RGS7: variants seen among roughly 807,000 people sequenced by gnomAD.
The protein encoded by RGS7 is regulator of G protein signaling 7.
In RGS7, 27 loss-of-function variants were observed where a neutral mutation model predicts 81.1. That is an observed-to-expected ratio of 0.33 (90% CI 0.25 to 0.46). The LOEUF is 0.46. Ranked by LOEUF, RGS7 falls within the 20% of genes least tolerant of loss-of-function variation. RGS7 has a pLI of 1.00. For synonymous variants in RGS7, 208 were observed against 207.7 expected (o/e 1.00, Z -0.01); for missense variants, 396 against 607.4 (o/e 0.65, Z 3.66).
At chr1:241,213,587 T>C (rs562743273) in intron 2 of RGS7, among the ~76,000 whole-genome samples, 12 of 152,122 alleles carry the variant, frequency 7.9e-5, no homozygotes, top group Non-Finnish European at 1.8e-4. Flanking sequence ...TCAGTTTACT[T>C]TGAATTAACA....
intron 3 of RGS7, among the ~76,000 whole-genome samples, chr1:241,096,993 T>C (rs1173734666): frequency 6.6e-6 from 1 of 152,108 alleles, no homozygotes; most frequent in Non-Finnish European, 1.5e-5. Context: ...AACATTTTTA[T>C]ATGCGTGTTT....
At chr1:240,856,950 T>C (rs1661245041) in intron 9 of RGS7, among the ~76,000 whole-genome samples, 2 of 152,146 alleles carry the variant, frequency 1.3e-5, no homozygotes, top group South Asian at 4.1e-4. Flanking sequence ...CCAAGCACAC[T>C]GAGTAAAGTA....
At chr1:240,872,806 C>T (rs533071200) in intron 6 of RGS7, among the ~76,000 whole-genome samples, 89 of 152,262 alleles carry the variant, frequency 5.8e-4, no homozygotes, top group African/African-American at 1.7e-3. Flanking sequence ...AGGCTGGGCA[C>T]ATTGGCTCAT....
At position 240,866,725 on chromosome 1, in the gene RGS7, G is replaced by A. The variant is rs576127136; in HGVS notation, c.609+1862C>T. On this transcript the variant is annotated intron_variant, in intron 9 of 18. Transcript: ENST00000440928. The stretch of plus-strand genomic sequence containing the variant: ...ACTGGATAGAGGGAAAGACAACTTT[G>A]ATCAGATTCTGCCTCCAACAGAGGC... Among the ~76,000 whole-genome samples the A allele has an allele frequency of 5.0e-4, 76 of 152,242 alleles. 1 individual carries two copies. The South Asian group carries it at 6.0e-3, about 12-fold the overall frequency.
chr1:240,951,321 C>G (rs1337508183), intron 4 of RGS7, among the ~76,000 whole-genome samples: 1 of 151,982 alleles, frequency 6.6e-6, no homozygotes, highest in African/African-American at 2.4e-5. Flanking sequence ...GAATATGACA[C>G]AGAAATTGGA....
chr1:240,939,553 C>T (rs1279360072), intron 4 of RGS7, among the ~76,000 whole-genome samples: 10 of 152,128 alleles, frequency 6.6e-5, no homozygotes, highest in African/African-American at 2.4e-4. Flanking sequence ...TTCTGAATCC[C>T]TAAGTACCCC....
chr1:241,079,830 T>TTTTATTTATTTATTTA (rs10700153), intron 3 of RGS7, among the ~76,000 whole-genome samples: 6 of 151,120 alleles, frequency 4.0e-5, no homozygotes, highest in Admixed American at 6.6e-5. Flanking sequence ...CCCCATAGGC[T>TTTTATTTATTTATTTA]TTTATTTATT....
chr1:241,016,310 G>T (rs1174880840), intron 3 of RGS7, among the ~76,000 whole-genome samples: 1 of 152,142 alleles, frequency 6.6e-6, no homozygotes, highest in Non-Finnish European at 1.5e-5. Flanking sequence ...ATGAGGTCAA[G>T]AGAACAAGAC....
chr1:240,990,860 T>G (rs1342167240), intron 3 of RGS7, among the ~76,000 whole-genome samples: 1 of 152,210 alleles, frequency 6.6e-6, no homozygotes, highest in Non-Finnish European at 1.5e-5. Flanking sequence ...TTAAAAATGT[T>G]GTTCAGCAGT....
intron 2 of RGS7, chr1:241,186,530 T>A (rs796333537): frequency 0.17 from 60,084 of 344,274 alleles, 6,519 homozygotes; most frequent in Admixed American, 0.23. Context: ...TATATTTTTT[T>A]TTTTTTTTTT....
intron 2 of RGS7, among the ~76,000 whole-genome samples, chr1:241,176,618 T>C (rs1026484901): frequency 6.6e-6 from 1 of 152,124 alleles, no homozygotes; most frequent in African/African-American, 2.4e-5. Context: ...CACTGGGGCT[T>C]ATATTTTTAC....
At chr1:241,052,379 A>G (rs974353414) in intron 3 of RGS7, among the ~76,000 whole-genome samples, 1 of 152,170 alleles carries the variant, frequency 6.6e-6, no homozygotes, top group African/African-American at 2.4e-5. Context: ...GAATACAAAT[A>G]AGCCAGATGA....
At chr1:240,864,317 C>T (rs150720657) in intron 9 of RGS7, among the ~76,000 whole-genome samples, 23 of 152,234 alleles carry the variant, frequency 1.5e-4, no homozygotes, top group Admixed American at 1.1e-3. Flanking sequence ...AGGGTGGCAA[C>T]GCCCTGTTTC....
At chr1:240,987,367 T>C (rs372739516) in intron 3 of RGS7, among the ~76,000 whole-genome samples, 6 of 152,164 alleles carry the variant, frequency 3.9e-5, no homozygotes, top group East Asian at 1.9e-4. Context: ...ACCTTTGCAA[T>C]GTTTCTCTTT....
intron 4 of RGS7, among the ~76,000 whole-genome samples, chr1:240,970,257 G>A (rs772683980): frequency 6.6e-6 from 1 of 152,198 alleles, no homozygotes; most frequent in Non-Finnish European, 1.5e-5. Flanking sequence ...GGGAAAGATG[G>A]TCTGAAATAA....
chr1:241,074,239 T>C, intron 3 of RGS7, among the ~76,000 whole-genome samples: 1 of 152,188 alleles, frequency 6.6e-6, no homozygotes, highest in East Asian at 1.9e-4. Flanking sequence ...CAATGGTGCT[T>C]TGTTTTGGTT....
At chr1:241,241,529 A>G (rs1200723314) in intron 2 of RGS7, among the ~76,000 whole-genome samples, 11 of 152,078 alleles carry the variant, frequency 7.2e-5, no homozygotes. Flanking sequence ...CCCCCTTTCC[A>G]AGGAAGCTGC....
chr1:241,270,382 T>C (rs919601528), intron 2 of RGS7, among the ~76,000 whole-genome samples: 1 of 152,208 alleles, frequency 6.6e-6, no homozygotes, highest in Admixed American at 6.5e-5. Context: ...CCATTTACCT[T>C]GGGATGCAGA....
chr1:241,102,333 A>AGGGACCCCCTCTTGGCTAG (rs2064814330), intron 2 of RGS7, among the ~76,000 whole-genome samples: 5 of 152,210 alleles, frequency 3.3e-5, no homozygotes, highest in African/African-American at 4.8e-5. Context: ...CTCTTGGCTA[A>AGGGACCCCCTCTTGGCTAG]CGGGACCCCA....
Sources: allele counts gnomAD v4.1 joint callset (sites outside exome capture counted in the v4.1 genomes callset), GRCh38; gene constraint gnomAD v4.1.1; transcripts MANE v1.5; gene names NCBI Gene and HGNC (gene_info 2026-07-23, HGNC 2026-07-21).